Variants in CTNNA3 observed in about 807,000 individuals in gnomAD.
CTNNA3 encodes catenin alpha 3, also known as catenin alpha-3.
In CTNNA3, 76 loss-of-function variants were observed where a neutral mutation model predicts 95.7. The observed-to-expected ratio is 0.79, with a 90% CI of 0.66 to 0.96. The LOEUF (loss-of-function observed/expected upper bound fraction) is 0.96. Among genes scored for constraint, CTNNA3 ranks in the 40% least tolerant of loss-of-function variants. The pLI, the probability that CTNNA3 is intolerant of heterozygous loss-of-function variation, is 0.00. For synonymous variants in CTNNA3, 431 were observed against 374.4 expected (o/e 1.15, Z -1.74); for missense variants, 1,191 against 1,089.8 (o/e 1.09, Z -1.31).
At chr10:67,290,192 T>C (rs1161043569) in intron 5 of CTNNA3, among the ~76,000 whole-genome samples, 1 of 152,210 alleles carries the variant, frequency 6.6e-6, no homozygotes, top group Admixed American at 6.5e-5. Context: ...AGTGATTCCC[T>C]GCTTACAGTG....
chr10:66,358,116 T>A (rs1449176630), intron 12 of CTNNA3, among the ~76,000 whole-genome samples: 2 of 152,212 alleles, frequency 1.3e-5, no homozygotes, highest in Non-Finnish European at 2.9e-5. Flanking sequence ...TTGATATTAA[T>A]AATTTGTATT....
At chr10:67,167,980 C>CAAAAAAATTAG (rs1427951417) in intron 7 of CTNNA3, among the ~76,000 whole-genome samples, 6 of 151,888 alleles carry the variant, frequency 4.0e-5, no homozygotes, top group African/African-American at 1.2e-4. Flanking sequence ...TTAAAAAATA[C>CAAAAAAATTAG]AAAAAAATTA....
chr10:66,532,319 G>A (rs529292505), intron 10 of CTNNA3, among the ~76,000 whole-genome samples: 14 of 152,074 alleles, frequency 9.2e-5, no homozygotes, highest in African/African-American at 2.2e-4. Context: ...AAAATTAGCC[G>A]GGCGTGGTGG....
At position 66,037,886 on chromosome 10, in the gene CTNNA3, G is replaced by T. The variant is rs553687421; in HGVS notation, c.2159+31422C>A. ...TCTTTTATACCAACCATTTGTAATT[G>T]CTATTTTTATTGTGTATCAATTTAT... On this transcript the variant is annotated intron_variant, in intron 15 of 17. Transcript: ENST00000433211. Among the ~76,000 whole-genome samples the T allele has an allele frequency of 6.6e-5, 10 of 151,968 alleles. No individual in the cohort carries two copies. In the East Asian group the frequency reaches 1.9e-3, roughly 30 times the overall value.
intron 14 of CTNNA3, among the ~76,000 whole-genome samples, chr10:66,094,387 G>C (rs1194034004): frequency 6.6e-6 from 1 of 152,050 alleles, no homozygotes; most frequent in Non-Finnish European, 1.5e-5. Context: ...ACCTAAAAGG[G>C]CTTTTATGTA....
chr10:66,187,019 T>G (rs2086380892), intron 13 of CTNNA3, among the ~76,000 whole-genome samples: 1 of 152,144 alleles, frequency 6.6e-6, no homozygotes, highest in Non-Finnish European at 1.5e-5. Flanking sequence ...AAACCAGCAG[T>G]TCAACGATCA....
intron 7 of CTNNA3, among the ~76,000 whole-genome samples, chr10:66,825,887 A>G (rs1417370841): frequency 8.5e-5 from 13 of 152,188 alleles, no homozygotes; most frequent in African/African-American, 2.4e-5. Context: ...CCAGGCCCTA[A>G]GAATTGTTTC....
At chr10:66,351,057 AAAAC>A (rs1260910640) in intron 12 of CTNNA3, among the ~76,000 whole-genome samples, 2 of 152,076 alleles carry the variant, frequency 1.3e-5, no homozygotes, top group African/African-American at 4.8e-5. Flanking sequence ...AAATAAAACA[AAAAC>A]AAAAACAAAA....
chr10:67,383,063 G>A (rs1347607436), intron 5 of CTNNA3, among the ~76,000 whole-genome samples: 1 of 152,090 alleles, frequency 6.6e-6, no homozygotes, highest in African/African-American at 2.4e-5. Context: ...TGTTAATGCA[G>A]TGTTTATCAA....
intron 11 of CTNNA3, among the ~76,000 whole-genome samples, chr10:66,384,447 C>T (rs188732908): frequency 1.2e-4 from 19 of 152,264 alleles, no homozygotes; most frequent in Admixed American, 1.0e-3. Flanking sequence ...AAAGCAAGTC[C>T]TTAGAGACAT....
intron 10 of CTNNA3, among the ~76,000 whole-genome samples, chr10:66,610,410 C>T (rs1160866007): frequency 6.6e-6 from 1 of 151,944 alleles, no homozygotes; most frequent in South Asian, 2.1e-4. Flanking sequence ...ATGAAAGCAA[C>T]CCTAGACAAT....
chr10:66,420,078 ACAAT>A (rs923275404), intron 11 of CTNNA3, among the ~76,000 whole-genome samples: 2 of 152,212 alleles, frequency 1.3e-5, no homozygotes, highest in African/African-American at 4.8e-5. Flanking sequence ...AGCAAAGGAA[ACAAT>A]CAAAAGAGTA....
At chr10:66,556,399 G>T (rs891556068) in intron 10 of CTNNA3, among the ~76,000 whole-genome samples, 14 of 152,040 alleles carry the variant, frequency 9.2e-5, no homozygotes, top group African/African-American at 2.9e-4. Context: ...ATCGCGAAGA[G>T]ATTTCTGTAC....
chr10:66,513,265 T>A (rs12260149), intron 11 of CTNNA3, among the ~76,000 whole-genome samples: 4,834 of 152,264 alleles, frequency 0.032, 254 homozygotes, highest in African/African-American at 0.11. Flanking sequence ...ACAAATTATT[T>A]CTTTTGCTTT....
At chr10:67,709,576 G>A (rs1841095605) in intron 1 of CTNNA3, among the ~76,000 whole-genome samples, 2 of 151,992 alleles carry the variant, frequency 1.3e-5, no homozygotes, top group Non-Finnish European at 2.9e-5. Flanking sequence ...AAACACCCCT[G>A]CTAAGTCAGT....
chr10:67,586,613 T>C (rs1842634947), intron 3 of CTNNA3, among the ~76,000 whole-genome samples: 1 of 152,156 alleles, frequency 6.6e-6, no homozygotes, highest in African/African-American at 2.4e-5. Context: ...CTGATGCAAG[T>C]ACTCCTGCTT....
chr10:66,444,305 A>T lies in CTNNA3; in HGVS notation c.1532-64953T>A, dbSNP rs183076169. On this transcript the variant is annotated intron_variant, in intron 11 of 17. Transcript: ENST00000433211. ...TCTAGCAAGGCAGGCCAACATTCAG[A>T]TTCAGGAAATACAGAGAACACCACA... is the stretch of plus-strand genomic sequence containing the variant. Among the ~76,000 whole-genome samples the T allele has an allele frequency of 0.018, 2,756 of 152,182 alleles. 198 individuals carry two copies. The East Asian group carries it at 0.24, about 13-fold the overall frequency.
At chr10:66,102,040 G>A (rs1431356912) in intron 14 of CTNNA3, among the ~76,000 whole-genome samples, 1 of 152,040 alleles carries the variant, frequency 6.6e-6, no homozygotes, top group African/African-American at 2.4e-5. Flanking sequence ...ACGGGTCTTT[G>A]CTTGAAATGT....
intron 11 of CTNNA3, among the ~76,000 whole-genome samples, chr10:66,386,533 T>C (rs531718123): frequency 1.4e-4 from 21 of 152,284 alleles, no homozygotes; most frequent in African/African-American, 4.6e-4. Flanking sequence ...AGGTAATTTA[T>C]AGATTCAATG....
Sources: gnomAD v4.1 joint callset for allele counts (sites outside exome capture counted in the v4.1 genomes callset) on GRCh38, gnomAD v4.1.1 for gene constraint, MANE v1.5 for transcripts, NCBI Gene and HGNC (gene_info 2026-07-23, HGNC 2026-07-21) for gene names.